The following DTX4 variants were observed in gnomAD, a reference collection of about 807,000 sequenced individuals.
DTX4 encodes the protein deltex E3 ubiquitin ligase 4.
A neutral mutation model predicts 57.6 loss-of-function variants in DTX4; 28 were observed. The observed-to-expected ratio is 0.49, with a 90% CI of 0.36 to 0.67. The LOEUF is 0.67. Ranked by LOEUF, DTX4 falls within the 30% of genes least tolerant of loss-of-function variation. The pLI is 0.00. For missense variants in DTX4, 715 were observed against 836.8 expected (o/e 0.85, Z 1.80); for synonymous variants, 316 against 331.0 (o/e 0.95, Z 0.49).
Position 59,188,755 on chromosome 11 carries a change from A to G in DTX4, c.956A>G (p.Lys319Arg), listed in dbSNP as rs1433572570. Residue 319 changes from lysine to arginine, a missense_variant, in exon 3 of 9, where the codon AAG (lysine) becomes AGG (arginine). Physicochemically the swap from Lys to Arg is conservative, Grantham distance 26. Coordinates refer to ENST00000227451, the MANE Select transcript of DTX4 (RefSeq NM_015177.2). ...IASGVPTVPV[K>R]NLNGSSPVNP... ...CACAGGGTCCCCACAGTCCCAGTGA[A>G]GAACCTAAATGGGTCCAGTCCTGTC... is the stretch of plus-strand genomic sequence containing the variant. The G allele has an allele frequency of 1.2e-6, 2 of 1,613,946 alleles. No homozygotes were observed. The highest frequency in any genetic ancestry group is 3.3e-5 in the Admixed American group (2 of 60,014).
At chr11:59,175,801 C>G (rs1408407587) in intron 1 of DTX4, among the ~76,000 whole-genome samples, 1 of 152,154 alleles carries the variant, frequency 6.6e-6, no homozygotes, top group African/African-American at 2.4e-5. Flanking sequence ...GCGGAAGATC[C>G]AGGCTGAGAG....
rs1187891205 is a variant in DTX4 at position 59,206,771 on chromosome 11, T to C, written c.*1862T>C. The C allele has an allele frequency of 6.6e-6, 1 of 152,638 alleles. No homozygotes were observed. The highest frequency in any genetic ancestry group is 6.5e-5 in the Admixed American group (1 of 15,280). The allele number at this position is 152,638 out of a possible 1,614,324, so 9.5% of individuals were successfully genotyped here. Reference sequence around the variant, plus strand: ...TGTGGATGTGCTGGTGCTGAGCCTTTGCTCTCTTTCCAAATGGTTACAGGG... The same window carrying C: ...TGTGGATGTGCTGGTGCTGAGCCTTCGCTCTCTTTCCAAATGGTTACAGGG... On this transcript the variant is annotated 3_prime_UTR_variant, in exon 9 of 9. Transcript: ENST00000227451.
chr11:59,177,956 T>G (rs893432048), intron 1 of DTX4, among the ~76,000 whole-genome samples: 2 of 152,150 alleles, frequency 1.3e-5, no homozygotes, highest in Admixed American at 6.5e-5. Context: ...TGGTACTCAC[T>G]CTCTAGTGAA....
At chr11:59,203,294 A>T (rs1862761316) in intron 8 of DTX4, among the ~76,000 whole-genome samples, 2 of 152,226 alleles carry the variant, frequency 1.3e-5, no homozygotes. Context: ...CCTGTTTGTA[A>T]CAACACAGCT....
Position 59,188,768 on chromosome 11 carries a change from G to T in DTX4, c.969G>T (p.Gly323=), listed in dbSNP as rs749164834. The T allele has an allele frequency of 6.8e-6, 11 of 1,613,996 alleles. No individual in the cohort carries two copies. The East Asian group carries it at 2.5e-4, about 36-fold the overall frequency. Residue 323 remains glycine (G), a synonymous_variant, in exon 3 of 9, where the codon GGG becomes GGT. Coordinates refer to ENST00000227451, the MANE Select transcript of DTX4 (RefSeq NM_015177.2). ...CAGTCCCAGTGAAGAACCTAAATGG[G>T]TCCAGTCCTGTCAACCCTGCCTTGG... ...VPTVPVKNLN[G]SSPVNPALAG...
intron 5 of DTX4, among the ~76,000 whole-genome samples, chr11:59,191,691 G>T (rs530195860): frequency 6.6e-6 from 1 of 152,222 alleles, no homozygotes; most frequent in Admixed American, 6.5e-5. Context: ...TAGAAACCCT[G>T]TTGGACATTT....
In DTX4 at chr11:59,181,728, C is replaced by T. The variant is rs370352867; in HGVS notation, c.212-11C>T. On this transcript the variant is annotated splice_polypyrimidine_tract_variant and intron_variant, in intron 1 of 8. Transcript: ENST00000227451. The stretch of plus-strand genomic sequence containing the variant: ...GCTGACTCTGACCTCTCCCCTATCC[C>T]ACCCTGGCAGGAACTCTCCGCCCAG... 2.5e-6 allele frequency: 4 copies of T among 1,584,010 alleles called. No individual in the cohort carries two copies. The highest frequency in any genetic ancestry group is 3.4e-6 in the Non-Finnish European group (4 of 1,161,868).
At chr11:59,196,008 C>A (rs1862663198) in intron 7 of DTX4, among the ~76,000 whole-genome samples, 1 of 152,232 alleles carries the variant, frequency 6.6e-6, no homozygotes, top group Non-Finnish European at 1.5e-5. Flanking sequence ...CAAATCTGAA[C>A]ACTATTCCTG....
chr11:59,196,010 C>T (rs1263954589), intron 7 of DTX4, among the ~76,000 whole-genome samples: 2 of 152,356 alleles, frequency 1.3e-5, no homozygotes, highest in East Asian at 3.9e-4. Flanking sequence ...AATCTGAACA[C>T]TATTCCTGCC....
At chr11:59,174,734 T>A (rs143527367) in intron 1 of DTX4, among the ~76,000 whole-genome samples, 16 of 152,264 alleles carry the variant, frequency 1.1e-4, no homozygotes, top group Admixed American at 1.0e-3. Context: ...GAAGCTACGT[T>A]TCCCAGGTCT....
intron 8 of DTX4, among the ~76,000 whole-genome samples, chr11:59,202,768 T>C (rs895360312): frequency 6.6e-6 from 1 of 152,214 alleles, no homozygotes; most frequent in Non-Finnish European, 1.5e-5. Context: ...AGAGGGATGA[T>C]GAGAGTCCAG....
rs1292968018 is a variant in DTX4, at chr11:59,172,726, T to A, written c.131T>A (p.Val44Glu). 6.2e-7 allele frequency: 1 copy of A among 1,604,554 alleles called. No individual in the cohort carries two copies. ...GCCGGCCCCCGCGCGGGGGGCAGCG[T>A]GGTGCTGGGCCAGGTGGACAGCCGT... Reference protein sequence around the residue: ...VRAGPRAGGSVVLGQVDSRLA... With the variant: ...VRAGPRAGGSEVLGQVDSRLA... The change falls in exon 1 of 9, where the codon GTG (valine) becomes GAG (glutamate). Residue 44 changes from valine (V) to glutamate (E), a missense_variant. Coordinates refer to ENST00000227451, the MANE Select transcript of DTX4 (RefSeq NM_015177.2).
Position 59,182,444 on chromosome 11 carries a change from G to C in DTX4, c.917G>C (p.Arg306Pro). 6.2e-7 allele frequency: 1 copy of C among 1,608,358 alleles called. No individual in the cohort carries two copies. Among genetic ancestry groups the C allele is most frequent in the East Asian group, 2.2e-5 (1 of 44,762 alleles). ...CAGCGACTGGCCATTGCCCAGTCCC[G>C]GGTGCTGATCGCCTCTGGGTAAGTG... Reference protein sequence around the residue: ...NLQRLAIAQSRVLIASGVPTV... With the variant: ...NLQRLAIAQSPVLIASGVPTV... The change falls in exon 2 of 9, where the codon CGG becomes CCG. Residue 306 changes from arginine (R) to proline (P), a missense_variant. By Grantham distance (103) the Arg-to-Pro change is moderately radical (BLOSUM62 -2). Coordinates refer to ENST00000227451, the MANE Select transcript of DTX4 (RefSeq NM_015177.2).
chr11:59,177,765 A>C (rs1486315943), intron 1 of DTX4, among the ~76,000 whole-genome samples: 3 of 152,148 alleles, frequency 2.0e-5, no homozygotes, highest in Non-Finnish European at 4.4e-5. Context: ...TTTACCTCTC[A>C]AAATTCTTTT....
rs771307637 is a variant in DTX4 at position 59,192,246 on chromosome 11, A to G, written c.1370A>G (p.Asn457Ser). ...YCLVAMYNNGNKDGSLQCPTC... is the reference protein window; with the variant it reads ...YCLVAMYNNGSKDGSLQCPTC... ...TTGGTTGCCATGTACAACAATGGGA[A>G]CAAGGTCAGTGCCAGCCTATGGGGC... is the stretch of plus-strand genomic sequence containing the variant. Residue 457 changes from asparagine (N) to serine (S), a missense_variant, in exon 6 of 9, where the codon AAC (asparagine) becomes AGC (serine). Transcript: ENST00000227451. The G allele has an allele frequency of 6.2e-7, 1 of 1,613,936 alleles. No individual in the cohort carries two copies. The highest frequency in any genetic ancestry group is 8.5e-7 in the Non-Finnish European group (1 of 1,179,878).
chr11:59,206,387 G>C lies in DTX4; in HGVS notation c.*1478G>C, dbSNP rs3781796. 0.091 allele frequency: 13,866 copies of C among 152,476 alleles called. 911 individuals carry two copies. The highest frequency in any genetic ancestry group is 0.29 in the East Asian group (1,476 of 5,168). 9.4% of individuals were successfully genotyped at this position (152,476 alleles called of 1,614,324 possible). A position where few individuals can be genotyped will look rare whatever the true frequency, so the allele number is the denominator to read the frequency against. ...AATTGGGGGCCAGGGAGGAGAACAG[G>C]GGGGATCAAGAAGGGAAACCCAATT... is the stretch of plus-strand genomic sequence containing the variant. On this transcript the variant is annotated 3_prime_UTR_variant, in exon 9 of 9. Coordinates refer to ENST00000227451, the MANE Select transcript of DTX4 (RefSeq NM_015177.2).
At chr11:59,196,081 C>T (rs772710968) in intron 7 of DTX4, among the ~76,000 whole-genome samples, 31 of 152,218 alleles carry the variant, frequency 2.0e-4, no homozygotes, top group Non-Finnish European at 3.2e-4. Flanking sequence ...TGTTCTGGGC[C>T]GTTGACTGTA....
At chr11:59,186,532 G>A (rs1420943370) in intron 2 of DTX4, among the ~76,000 whole-genome samples, 2 of 152,204 alleles carry the variant, frequency 1.3e-5, no homozygotes, top group African/African-American at 2.4e-5. Flanking sequence ...AGAGCTGGGC[G>A]AGGAGAATCG....
rs768510295 is a variant in DTX4, at chr11:59,195,310, C to T, written c.1477C>T (p.Pro493Ser). Residue 493 changes from proline (P) to serine (S), a missense_variant, in exon 7 of 9, where the codon CCT (proline) becomes TCT (serine). Physicochemically the swap from Pro to Ser is moderately conservative, Grantham distance 74. Transcript: ENST00000227451. ...MEYHLIPHSL[P>S]GHPDCKTIRI... ...GTACCACCTCATCCCCCACTCCTTGCCTGGCCACCCAGACTGCAAAACCAT... is the reference window on the plus strand; with the variant it reads ...GTACCACCTCATCCCCCACTCCTTGTCTGGCCACCCAGACTGCAAAACCAT... 1 of 1,613,988 alleles carries T rather than the reference C, an allele frequency of 6.2e-7. No homozygotes were observed. The highest frequency in any genetic ancestry group is 8.5e-7 in the Non-Finnish European group (1 of 1,179,864).
Sources: allele counts gnomAD v4.1 joint callset (sites outside exome capture counted in the v4.1 genomes callset), GRCh38; gene constraint gnomAD v4.1.1; transcripts MANE v1.5; gene names NCBI Gene and HGNC (gene_info 2026-07-23, HGNC 2026-07-21).